The following PPP3CA variants were observed in gnomAD, a reference collection of about 807,000 sequenced individuals.
The protein encoded by PPP3CA is protein phosphatase 3 catalytic subunit alpha.
In PPP3CA, 14 loss-of-function variants were observed where a neutral mutation model predicts 66.5. The ratio of observed to expected loss-of-function variants is 0.21; its 90% CI spans 0.14 to 0.33. The LOEUF (loss-of-function observed/expected upper bound fraction) is 0.33. PPP3CA is among the 10% of genes least tolerant of loss of function. The pLI is 1.00. For synonymous variants in PPP3CA, 232 were observed against 226.2 expected (o/e 1.03, Z -0.23); for missense variants, 317 against 639.5 (o/e 0.50, Z 5.44).
intron 2 of PPP3CA, among the ~76,000 whole-genome samples, chr4:101,193,414 GA>G (rs1333769719): frequency 6.6e-6 from 1 of 151,904 alleles, no homozygotes; most frequent in African/African-American, 2.4e-5. Context: ...CTGCAACACA[GA>G]AATAGTCTTC....
At position 101,272,259 on chromosome 4, in the gene PPP3CA, C is replaced by G. The variant is rs17031091; in HGVS notation, c.58+74480G>C. On this transcript the variant is annotated intron_variant, in intron 1 of 13. Transcript: ENST00000394854. ...GTTACATTCATTATCTCATTTATCC[C>G]ATAACTACCTTAGGAAGTACTACTA... Among the ~76,000 whole-genome samples the G allele has an allele frequency of 8.9e-3, 1,352 of 152,190 alleles. 19 individuals are homozygous for G. Among genetic ancestry groups the G allele is most frequent in the African/African-American group, 0.031 (1,283 of 41,512 alleles).
At chr4:101,107,786 T>C (rs1721481641) in intron 3 of PPP3CA, among the ~76,000 whole-genome samples, 1 of 152,212 alleles carries the variant, frequency 6.6e-6, no homozygotes, top group South Asian at 2.1e-4. Flanking sequence ...ATAAAAATTT[T>C]GAAATATAGA....
intron 1 of PPP3CA, among the ~76,000 whole-genome samples, chr4:101,335,737 C>T (rs965595581): frequency 2.6e-5 from 4 of 152,000 alleles, no homozygotes; most frequent in African/African-American, 9.7e-5. Flanking sequence ...CTTCTGAGTT[C>T]CAAGTTGGCA....
intron 2 of PPP3CA, among the ~76,000 whole-genome samples, chr4:101,162,385 G>C (rs1723544293): frequency 6.6e-6 from 1 of 152,042 alleles, no homozygotes; most frequent in Non-Finnish European, 1.5e-5. Context: ...ACAAAAATTA[G>C]CTGGGTGTGG....
At chr4:101,247,820 G>A (rs1578591983) in intron 1 of PPP3CA, among the ~76,000 whole-genome samples, 1 of 151,974 alleles carries the variant, frequency 6.6e-6, no homozygotes, top group African/African-American at 2.4e-5. Flanking sequence ...CAAACTAATC[G>A]ATATTTATTG....
At chr4:101,241,642 G>A (rs192508872) in intron 1 of PPP3CA, among the ~76,000 whole-genome samples, 17 of 152,082 alleles carry the variant, frequency 1.1e-4, no homozygotes, top group African/African-American at 3.9e-4. Flanking sequence ...ATATTAACCT[G>A]ACAATACCTT....
intron 1 of PPP3CA, among the ~76,000 whole-genome samples, chr4:101,282,451 G>A (rs1363635273): frequency 1.3e-5 from 2 of 152,156 alleles, no homozygotes; most frequent in Admixed American, 6.5e-5. Context: ...GATAGGTCCT[G>A]AATTCCACTG....
intron 5 of PPP3CA, among the ~76,000 whole-genome samples, chr4:101,097,371 A>G (rs1357262184): frequency 6.6e-6 from 1 of 152,170 alleles, no homozygotes; most frequent in Non-Finnish European, 1.5e-5. Context: ...AGTAGAGGAA[A>G]GAAGATAAAT....
intron 1 of PPP3CA, among the ~76,000 whole-genome samples, chr4:101,329,756 G>C (rs542632330): frequency 6.6e-6 from 1 of 151,980 alleles, no homozygotes; most frequent in African/African-American, 2.4e-5. Flanking sequence ...CCTGTGCTCC[G>C]TAAGTGGAAC....
intron 5 of PPP3CA, among the ~76,000 whole-genome samples, chr4:101,096,683 C>T (rs2110252212): frequency 6.6e-6 from 1 of 152,138 alleles, no homozygotes; most frequent in East Asian, 1.9e-4. Context: ...TCTTTCATGC[C>T]CATCATTTGC....
chr4:101,345,997 CCCCGGGGCGTGCGGGGGAAAT>C (rs1729973060), intron 1 of PPP3CA, among the ~76,000 whole-genome samples: 1 of 152,166 alleles, frequency 6.6e-6, no homozygotes. Flanking sequence ...TCGTGTCTCT[CCCCGGGGCGTGCGGGGGAAAT>C]CCCGGGGCGG....
chr4:101,098,238 G>A (rs970283284), intron 5 of PPP3CA, 129 bp downstream of exon 5: 8 of 1,002,864 alleles, frequency 8.0e-6, no homozygotes, highest in African/African-American at 6.9e-5. Flanking sequence ...ACAAAGGAGC[G>A]ATTCATGACC....
intron 1 of PPP3CA, among the ~76,000 whole-genome samples, chr4:101,222,459 A>G (rs3804381): frequency 0.66 from 100,231 of 151,396 alleles, 34,169 homozygotes; most frequent in Non-Finnish European, 0.74. Flanking sequence ...CCAGTCCATA[A>G]ATACAATAAT....
At chr4:101,277,471 AT>A (rs1427782210) in intron 1 of PPP3CA, among the ~76,000 whole-genome samples, 1 of 152,230 alleles carries the variant, frequency 6.6e-6, no homozygotes, top group African/African-American at 2.4e-5. Context: ...AAATGTCCCA[AT>A]TTGACAGAAA....
intron 5 of PPP3CA, among the ~76,000 whole-genome samples, chr4:101,095,804 A>G (rs986146836): frequency 6.6e-6 from 1 of 152,106 alleles, no homozygotes; most frequent in African/African-American, 2.4e-5. Context: ...GGCGCGCGCC[A>G]CCATGCCTGG....
chr4:101,252,871 C>G (rs1056008929), intron 1 of PPP3CA, among the ~76,000 whole-genome samples: 1 of 152,204 alleles, frequency 6.6e-6, no homozygotes, highest in South Asian at 2.1e-4. Context: ...CCAAGAGGCC[C>G]ACACTTAATA....
At chr4:101,186,904 T>C (rs760282835) in intron 2 of PPP3CA, among the ~76,000 whole-genome samples, 1 of 152,082 alleles carries the variant, frequency 6.6e-6, no homozygotes, top group African/African-American at 2.4e-5. Flanking sequence ...CCGGTCACAA[T>C]AGTAACAGAT....
intron 1 of PPP3CA, among the ~76,000 whole-genome samples, chr4:101,260,262 G>A (rs1407748672): frequency 6.6e-6 from 1 of 152,100 alleles, no homozygotes; most frequent in Admixed American, 6.6e-5. Context: ...AAAAGAAATG[G>A]TGTGTTTGTA....
At chr4:101,138,940 A>G (rs1369190013) in intron 2 of PPP3CA, among the ~76,000 whole-genome samples, 6 of 152,230 alleles carry the variant, frequency 3.9e-5, no homozygotes, top group Non-Finnish European at 7.3e-5. Flanking sequence ...AAATATTATG[A>G]AAACCTAACA....
Sources: allele counts gnomAD v4.1 joint callset (sites outside exome capture counted in the v4.1 genomes callset), GRCh38; gene constraint gnomAD v4.1.1; transcripts MANE v1.5; gene names NCBI Gene and HGNC (gene_info 2026-07-23, HGNC 2026-07-21).